Variants in MBP observed in about 807,000 individuals in gnomAD.
MBP encodes the protein Golli-MBP.
Under a neutral mutation model 35.8 loss-of-function variants are expected in MBP, and 16 were observed. That is an observed-to-expected ratio of 0.45 (90% CI 0.30 to 0.68). The LOEUF (loss-of-function observed/expected upper bound fraction) is 0.68, where lower values mean the gene tolerates loss of function less well. Among genes scored for constraint, MBP ranks in the 30% least tolerant of loss-of-function variants. MBP has a pLI of 0.08. For synonymous variants in MBP, 143 were observed against 159.6 expected (o/e 0.90, Z 0.78); for missense variants, 380 against 404.7 (o/e 0.94, Z 0.52).
chr18:77,080,364 G>A (rs581552), intron 2 of MBP, among the ~76,000 whole-genome samples: 38,060 of 152,228 alleles, frequency 0.25, 5,336 homozygotes, highest in African/African-American at 0.38. Context: ...AGGGCAGCCC[G>A]GAGGCTGTCC....
chr18:77,033,758 C>CCATT (rs762075018), intron 3 of MBP, among the ~76,000 whole-genome samples: 1 of 23,702 alleles, frequency 4.2e-5, no homozygotes, highest in Non-Finnish European at 1.1e-4. Context: ...ATCAATCCAC[C>CCATT]CATCCATCCA....
At chr18:77,050,036 G>A (rs1443538692) in intron 3 of MBP, among the ~76,000 whole-genome samples, 3 of 152,220 alleles carry the variant, frequency 2.0e-5, no homozygotes, top group South Asian at 2.1e-4. Flanking sequence ...ATGGAAACAA[G>A]TGCTATTTTC....
chr18:77,067,756 ATC>A, intron 2 of MBP: 1 of 479,274 alleles, frequency 2.1e-6, no homozygotes, highest in East Asian at 5.9e-5. Flanking sequence ...TTTCCACCCA[ATC>A]TCTCATTTCC....
At chr18:76,981,529 G>A (rs1258887394) in intron 8 of MBP, 2 of 152,144 alleles carry the variant, frequency 1.3e-5, no homozygotes, top group Admixed American at 1.3e-4. Flanking sequence ...TACATACGTA[G>A]CATTATAAAC....
rs113728060 is a variant in MBP, at chr18:77,001,189, C to T, written c.577-11129G>A. 3.9e-4 allele frequency among the ~76,000 whole-genome samples: 59 copies of T among 152,372 alleles called. 1 individual carries two copies. Among genetic ancestry groups the T allele is most frequent in the African/African-American group, 1.3e-3 (56 of 41,586 alleles). ...ACCCGGTTCCCACTCATAGGGTCCCCGCTCACTGTCCCGGACCCTGAAGCT... is the reference window on the plus strand; with the variant it reads ...ACCCGGTTCCCACTCATAGGGTCCCTGCTCACTGTCCCGGACCCTGAAGCT... On this transcript the variant is annotated intron_variant, in intron 4 of 8. Coordinates refer to ENST00000355994, the MANE Select transcript of MBP (RefSeq NM_001025101.2).
At chr18:77,002,391 A>C (rs1970686504) in intron 4 of MBP, among the ~76,000 whole-genome samples, 1 of 152,214 alleles carries the variant, frequency 6.6e-6, no homozygotes, top group Admixed American at 6.5e-5. Context: ...AATGTATCTC[A>C]ATATGCCCAG....
At chr18:77,052,358 G>A (rs902625255) in intron 3 of MBP, among the ~76,000 whole-genome samples, 1 of 152,182 alleles carries the variant, frequency 6.6e-6, no homozygotes, top group Non-Finnish European at 1.5e-5. Context: ...GTCCTTGGAT[G>A]GGGGCACCTG....
intron 2 of MBP, among the ~76,000 whole-genome samples, chr18:77,081,857 T>TA (rs1491416029): frequency 0.049 from 506 of 10,408 alleles, 6 homozygotes; most frequent in African/African-American, 0.086. Flanking sequence ...TATATATATA[T>TA]TTTTTTTTTT....
At chr18:77,087,694 G>A (rs1283318794) in intron 2 of MBP, 1 of 152,432 alleles carries the variant, frequency 6.6e-6, no homozygotes, top group Non-Finnish European at 1.5e-5. Context: ...CGGGAGGCCT[G>A]GGGAGGGGAG....
chr18:77,040,442 T>C (rs1227866563), intron 3 of MBP, among the ~76,000 whole-genome samples: 1 of 152,158 alleles, frequency 6.6e-6, no homozygotes, highest in East Asian at 1.9e-4. Context: ...TTAAAGTTCA[T>C]ATGGAACCAA....
intron 3 of MBP, among the ~76,000 whole-genome samples, chr18:77,059,475 C>T (rs1568318096): frequency 6.6e-6 from 1 of 150,740 alleles, no homozygotes; most frequent in South Asian, 2.1e-4. Flanking sequence ...AAAGTAGTCA[C>T]TAATTATTTA....
At chr18:76,996,020 G>A (rs536156957) in intron 4 of MBP, among the ~76,000 whole-genome samples, 73 of 152,312 alleles carry the variant, frequency 4.8e-4, no homozygotes, top group Admixed American at 1.4e-3. Flanking sequence ...GTTTAAAAAT[G>A]GACTAAACCC....
rs371855321 is a variant in MBP, at chr18:76,984,851, G to A, written c.794C>T (p.Ala265Val). The A allele has an allele frequency of 3.3e-5, 54 of 1,613,822 alleles. No individual in the cohort carries two copies. The highest frequency in any genetic ancestry group is 8.5e-7 in the Non-Finnish European group (1 of 1,180,038). The change falls in exon 8 of 9, where the codon GCG becomes GTG. Residue 265 changes from alanine to valine, a missense_variant. Transcript: ENST00000355994. Reference sequence around the variant, plus strand: ...CTTGTGAGCCGATTTATAGTCGGACGCTCTGCCTCCGTAGCCAAATCCTGG... The same window carrying A: ...CTTGTGAGCCGATTTATAGTCGGACACTCTGCCTCCGTAGCCAAATCCTGG... ...QRPGFGYGGR[A>V]SDYKSAHKGF...
intron 4 of MBP, among the ~76,000 whole-genome samples, chr18:77,002,567 A>C (rs769034306): frequency 5.8e-5 from 5 of 85,734 alleles, no homozygotes; most frequent in Non-Finnish European, 1.2e-4. Flanking sequence ...TCTTGGTTTT[A>C]AAACACGAGG....
intron 1 of MBP, among the ~76,000 whole-genome samples, chr18:77,129,920 G>A (rs1399714637): frequency 2.0e-5 from 3 of 151,856 alleles, no homozygotes; most frequent in East Asian, 3.9e-4. Flanking sequence ...GTGGTGGTGC[G>A]CCCCTATAGT....
At chr18:77,068,753 A>G (rs1185658462) in intron 2 of MBP, among the ~76,000 whole-genome samples, 1 of 152,246 alleles carries the variant, frequency 6.6e-6, no homozygotes, top group Non-Finnish European at 1.5e-5. Flanking sequence ...AGAATGTTCA[A>G]ACTCACTAGT....
At chr18:77,071,595 A>T (rs1162768179) in intron 2 of MBP, among the ~76,000 whole-genome samples, 1 of 152,156 alleles carries the variant, frequency 6.6e-6, no homozygotes, top group Non-Finnish European at 1.5e-5. Flanking sequence ...CTCTCCTTGG[A>T]CACTTGAAGC....
rs1321899678 is a variant in MBP at position 77,028,669 on chromosome 18, G to A, written c.140-11401C>T. 2.7e-4 allele frequency among the ~76,000 whole-genome samples: 23 copies of A among 84,910 alleles called. 1 individual carries two copies. Among genetic ancestry groups the A allele is most frequent in the African/African-American group, 5.8e-4 (18 of 30,848 alleles). 55.7% of individuals were successfully genotyped at this position (84,910 alleles called of 152,430 possible). A position where few individuals can be genotyped will look rare whatever the true frequency, so the allele number is the denominator to read the frequency against. On this transcript the variant is annotated intron_variant, in intron 3 of 8. Coordinates refer to ENST00000355994, the MANE Select transcript of MBP (RefSeq NM_001025101.2). ...GGACGGGGCAGCTGGCTGGGCAGAG[G>A]GGCTCCTCACTTCCCAGTAGGGGCG... is the stretch of plus-strand genomic sequence containing the variant.
intron 1 of MBP, among the ~76,000 whole-genome samples, chr18:77,120,097 C>T (rs542971520): frequency 9.2e-5 from 14 of 152,306 alleles, no homozygotes; most frequent in South Asian, 2.1e-4. Flanking sequence ...GCTCAGCCCA[C>T]GAAGCATGAA....
Sources: allele counts gnomAD v4.1 joint callset (sites outside exome capture counted in the v4.1 genomes callset), GRCh38; gene constraint gnomAD v4.1.1; transcripts MANE v1.5; gene names NCBI Gene and HGNC (gene_info 2026-07-23, HGNC 2026-07-21).